BLNK: variants seen among roughly 807,000 people sequenced by gnomAD.
BLNK encodes the protein B-cell linker protein.
In BLNK, 29 loss-of-function variants were observed where a neutral mutation model predicts 73.5. The observed-to-expected ratio is 0.39, with a 90% CI of 0.29 to 0.54. BLNK has a LOEUF of 0.54. Among genes scored for constraint, BLNK ranks in the 20% least tolerant of loss-of-function variants. The pLI is 0.61. For synonymous variants in BLNK, 176 were observed against 200.8 expected (o/e 0.88, Z 1.04); for missense variants, 460 against 562.8 (o/e 0.82, Z 1.85).
intron 5 of BLNK, among the ~76,000 whole-genome samples, chr10:96,225,114 A>G (rs1379904435): frequency 6.6e-6 from 1 of 152,240 alleles, no homozygotes; most frequent in East Asian, 1.9e-4. Context: ...AGTAGAACTT[A>G]TATCACCTGT....
intron 12 of BLNK, 139 bp from the exon 13 acceptor site, chr10:96,204,227 T>C: frequency 2.1e-6 from 2 of 963,166 alleles, no homozygotes; most frequent in Non-Finnish European, 3.2e-6. Context: ...TATCTAAAGA[T>C]AAAAGAGCCA....
Position 96,246,943 on chromosome 10 carries a change from T to G in BLNK, c.113+41A>C, listed in dbSNP as rs200375928. ...TTTCTTCCATGTAGCACATGTTGAC[T>G]TATTTTATATAATTAAGTATTTAAA... On this transcript the variant is annotated intron_variant, in intron 2 of 16. Coordinates refer to ENST00000224337, the MANE Select transcript of BLNK (RefSeq NM_013314.4). 1.3e-3 allele frequency: 1,893 copies of G among 1,449,658 alleles called. 4 individuals carry two copies. Among genetic ancestry groups the G allele is most frequent in the Admixed American group, 2.2e-3 (126 of 56,820 alleles). The allele number at this position is 1,449,658 out of a possible 1,614,324, so 89.8% of individuals were successfully genotyped here.
chr10:96,209,474 T>C (rs189336477), intron 9 of BLNK, among the ~76,000 whole-genome samples: 38 of 152,300 alleles, frequency 2.5e-4, no homozygotes, highest in African/African-American at 9.1e-4. Context: ...CTCAGCTCAC[T>C]GCAACCTGCA....
chr10:96,271,474 A>T lies in BLNK; in HGVS notation c.-76T>A. The T allele has an allele frequency of 6.8e-7, 1 of 1,475,292 alleles. No homozygotes were observed. The highest frequency in any genetic ancestry group is 1.1e-5 in the South Asian group (1 of 88,298). 91.4% of individuals were successfully genotyped at this position (1,475,292 alleles called of 1,614,324 possible). On this transcript the variant is annotated 5_prime_UTR_variant, in exon 1 of 17. Coordinates refer to ENST00000224337, the MANE Select transcript of BLNK (RefSeq NM_013314.4). ...GCAGTTCCTGGCCCTCCTAGGGAGC[A>T]GCATGGTAAGCCTCTGGTCTCAAGG...
At chr10:96,208,749 A>G (rs1453075380) in intron 9 of BLNK, among the ~76,000 whole-genome samples, 2 of 152,158 alleles carry the variant, frequency 1.3e-5, no homozygotes, top group Non-Finnish European at 2.9e-5. Flanking sequence ...AGAATTCCTG[A>G]GCACCTGTAA....
At chr10:96,237,191 C>T (rs1213988959) in intron 3 of BLNK, among the ~76,000 whole-genome samples, 2 of 152,128 alleles carry the variant, frequency 1.3e-5, no homozygotes, top group Non-Finnish European at 2.9e-5. Flanking sequence ...AGACAGAAAA[C>T]CAGGTAAATG....
At chr10:96,207,197 C>A in intron 10 of BLNK, 144 bp from the exon 11 acceptor site, 1 of 769,874 alleles carries the variant, frequency 1.3e-6, no homozygotes, top group Non-Finnish European at 2.2e-6. Flanking sequence ...CAATTACAAA[C>A]CCACAGTCCC....
chr10:96,239,571 C>T (rs186068186), intron 3 of BLNK, among the ~76,000 whole-genome samples: 20 of 152,236 alleles, frequency 1.3e-4, no homozygotes, highest in African/African-American at 4.6e-4. Context: ...TTACTTAGAG[C>T]CTTCTACCCT....
At chr10:96,237,280 G>T (rs1167078016) in intron 3 of BLNK, among the ~76,000 whole-genome samples, 1 of 152,152 alleles carries the variant, frequency 6.6e-6, no homozygotes, top group Non-Finnish European at 1.5e-5. Flanking sequence ...GGATTGTTAT[G>T]CATACCCCAT....
At chr10:96,197,100 G>T (rs1813141956) in intron 15 of BLNK, 37 bp from the exon 16 acceptor site, 1 of 1,537,528 alleles carries the variant, frequency 6.5e-7, no homozygotes, top group African/African-American at 1.4e-5. Context: ...ATTATGGTTA[G>T]TATTACTTAT....
chr10:96,193,079 T>C (rs1406661590), intron 16 of BLNK, among the ~76,000 whole-genome samples: 1 of 152,200 alleles, frequency 6.6e-6, no homozygotes, highest in Non-Finnish European at 1.5e-5. Flanking sequence ...CCAAATGAAA[T>C]ACCAGTTGTC....
At chr10:96,264,407 C>G (rs1193325382) in intron 1 of BLNK, among the ~76,000 whole-genome samples, 1 of 152,194 alleles carries the variant, frequency 6.6e-6, no homozygotes, top group African/African-American at 2.4e-5. Context: ...GCCCTGCAAG[C>G]CTGGGGGCAG....
rs1206692685 is a variant in BLNK at position 96,191,432 on chromosome 10, T to C, written c.*541A>G. ...GACAAGAACTTATAGAAAGTTCATA[T>C]CCATATATATATATATCCCATGGTT... On this transcript the variant is annotated 3_prime_UTR_variant, in exon 17 of 17. Transcript: ENST00000224337. 5.9e-5 allele frequency among the ~76,000 whole-genome samples: 9 copies of C among 152,012 alleles called. No homozygotes were observed. The highest frequency in any genetic ancestry group is 2.2e-4 in the African/African-American group (9 of 41,418).
rs781883804 is a variant in BLNK, at chr10:96,189,403, G to T, written c.*2570C>A. On this transcript the variant is annotated 3_prime_UTR_variant, in exon 17 of 17. Transcript: ENST00000224337. ...CTGCCAGGATCTTGAATAGTCTCCT[G>T]GTCAGTTGTCCGGAAGCAATTCTTC... 8.4e-6 allele frequency: 5 copies of T among 593,030 alleles called. No homozygotes were observed. The highest frequency in any genetic ancestry group is 5.7e-5 in the Admixed American group (3 of 52,412). The allele number at this position is 593,030 out of a possible 1,614,324, so 36.7% of individuals were successfully genotyped here. A position where few individuals can be genotyped will look rare whatever the true frequency, so the allele number is the denominator to read the frequency against.
rs2083292787 is a variant in BLNK, at chr10:96,189,235, G to A, written c.*2738C>T. ...AACACATTCTTGGCAATGGAACCTG[G>A]ACAACATTTATTAAACACAGTAGGG... On this transcript the variant is annotated 3_prime_UTR_variant, in exon 17 of 17. Coordinates refer to ENST00000224337, the MANE Select transcript of BLNK (RefSeq NM_013314.4). 7 of 378,674 alleles carry A rather than the reference G, an allele frequency of 1.8e-5. No individual in the cohort carries two copies. The highest frequency in any genetic ancestry group is 3.5e-5 in the Non-Finnish European group (7 of 201,410). 23.5% of individuals were successfully genotyped at this position (378,674 alleles called of 1,614,324 possible). A position where few individuals can be genotyped will look rare whatever the true frequency, so the allele number is the denominator to read the frequency against.
intron 6 of BLNK, among the ~76,000 whole-genome samples, chr10:96,220,341 C>T (rs1367336420): frequency 1.3e-5 from 2 of 152,158 alleles, no homozygotes; most frequent in Non-Finnish European, 1.5e-5. Context: ...AACGATGCCA[C>T]TTCAATGATA....
chr10:96,242,335 C>T (rs1554906456), intron 3 of BLNK, among the ~76,000 whole-genome samples: 1 of 152,182 alleles, frequency 6.6e-6, no homozygotes, highest in Non-Finnish European at 1.5e-5. Flanking sequence ...TCCATTAAAC[C>T]TCTTTTTCTT....
chr10:96,239,052 T>C, intron 3 of BLNK: 1 of 398,556 alleles, frequency 2.5e-6, no homozygotes. Flanking sequence ...AATCAAACTT[T>C]GTGTTGCAAA....
rs17111508 is a variant in BLNK, at chr10:96,242,708, A to C, written c.163+27T>G. ...ATGAACATTAAATTAGTCAAGAGTC[A>C]GTTAAAGTATCTGAGAAATACCTTA... On this transcript the variant is annotated intron_variant, in intron 3 of 16. Coordinates refer to ENST00000224337, the MANE Select transcript of BLNK (RefSeq NM_013314.4). The C allele has an allele frequency of 1.4e-3, 2,276 of 1,599,996 alleles. 36 individuals are homozygous for C. In the African/African-American group the frequency reaches 0.028, roughly 20 times the overall value.
Sources: allele counts gnomAD v4.1 joint callset (sites outside exome capture counted in the v4.1 genomes callset), GRCh38; gene constraint gnomAD v4.1.1; transcripts MANE v1.5; gene names NCBI Gene and HGNC (gene_info 2026-07-23, HGNC 2026-07-21).